AFG2A: variants seen among roughly 807,000 people sequenced by gnomAD.
AFG2A encodes the protein AAA ATPase AFG2A.
the AFG2A span, among the ~76,000 whole-genome samples, chr4:123,026,678 T>C: frequency 3.9e-5 from 6 of 152,214 alleles, no homozygotes; most frequent in African/African-American, 1.4e-4. Context: ...CCTTACGTGC[T>C]CTAAGAAATA....
chr4:123,184,721 A>G, the AFG2A span, among the ~76,000 whole-genome samples: 257 of 150,880 alleles, frequency 1.7e-3, 5 homozygotes, highest in Admixed American at 0.015. Context: ...TATTTTTAGT[A>G]GAGACGGGGT....
the AFG2A span, among the ~76,000 whole-genome samples, chr4:123,122,142 A>G: frequency 1.3e-5 from 2 of 152,122 alleles, no homozygotes; most frequent in African/African-American, 4.8e-5. Context: ...CTGTTTTGCT[A>G]TCTAGGATAA....
chr4:123,080,231 A>G, the AFG2A span, among the ~76,000 whole-genome samples: 3 of 152,230 alleles, frequency 2.0e-5, no homozygotes, highest in Non-Finnish European at 2.9e-5. Flanking sequence ...TGATGGGATT[A>G]GTGCCTTTAT....
chr4:123,298,739 G>C, the AFG2A span, among the ~76,000 whole-genome samples: 3 of 152,188 alleles, frequency 2.0e-5, no homozygotes, highest in Non-Finnish European at 2.9e-5. Flanking sequence ...CAAATCAAGA[G>C]TGTTCATTAA....
chr4:123,299,978 T>C, the AFG2A span, among the ~76,000 whole-genome samples: 3 of 152,192 alleles, frequency 2.0e-5, no homozygotes, highest in Non-Finnish European at 2.9e-5. Flanking sequence ...TTTCTACAAC[T>C]CTTTGCATAT....
chr4:123,215,808 G>T, the AFG2A span, among the ~76,000 whole-genome samples: 3 of 152,070 alleles, frequency 2.0e-5, no homozygotes, highest in African/African-American at 7.2e-5. Context: ...GTGACAAGAT[G>T]AAAAGGACAT....
At chr4:123,011,297 C>T in the AFG2A span, among the ~76,000 whole-genome samples, 1 of 152,226 alleles carries the variant, frequency 6.6e-6, no homozygotes, top group African/African-American at 2.4e-5. Flanking sequence ...CCAGTCTTGG[C>T]AGAGTAGGCT....
At chr4:123,005,524 G>T in the AFG2A span, among the ~76,000 whole-genome samples, 2 of 151,894 alleles carry the variant, frequency 1.3e-5, no homozygotes, top group African/African-American at 4.8e-5. Flanking sequence ...CTTTCCTTCT[G>T]TTTGCTTTAT....
chr4:123,007,568 ATGTGTGTGTGTGTGTGTGTG>A, the AFG2A span, among the ~76,000 whole-genome samples: 246 of 91,758 alleles, frequency 2.7e-3, 2 homozygotes, highest in South Asian at 7.3e-3. Context: ...GTGTGTGTAT[ATGTGTGTGTGTGTGTGTGTG>A]TGTGTGTGTG....
At chr4:123,289,420 G>A in the AFG2A span, among the ~76,000 whole-genome samples, 1 of 152,066 alleles carries the variant, frequency 6.6e-6, no homozygotes, top group Non-Finnish European at 1.5e-5. Flanking sequence ...TTGGTCGATG[G>A]GCACTTAGGT....
chr4:122,948,030 A>T, the AFG2A span, among the ~76,000 whole-genome samples: 31 of 152,248 alleles, frequency 2.0e-4, no homozygotes, highest in African/African-American at 7.2e-4. Context: ...TATAAAAAAT[A>T]TGGTTAATCA....
At chr4:123,269,032 T>C in the AFG2A span, among the ~76,000 whole-genome samples, 11,070 of 152,290 alleles carry the variant, frequency 0.073, 745 homozygotes, top group African/African-American at 0.18. Context: ...CAAAGTATTG[T>C]CTGAAGAAAC....
chr4:123,190,718 C>A, the AFG2A span, among the ~76,000 whole-genome samples: 37 of 152,128 alleles, frequency 2.4e-4, no homozygotes, highest in African/African-American at 8.7e-4. Flanking sequence ...ATTATGACTT[C>A]CATAGTGTAC....
At chr4:123,286,804 G>A in the AFG2A span, among the ~76,000 whole-genome samples, 2 of 151,712 alleles carry the variant, frequency 1.3e-5, no homozygotes, top group Admixed American at 6.6e-5. Flanking sequence ...GTGCTATTCC[G>A]ATCTGAACTT....
chr4:122,995,799 G>C, the AFG2A span, among the ~76,000 whole-genome samples: 1 of 152,270 alleles, frequency 6.6e-6, no homozygotes, highest in South Asian at 2.1e-4. Flanking sequence ...TTGTATATTT[G>C]ATCAGTGCTC....
the AFG2A span, among the ~76,000 whole-genome samples, chr4:123,236,927 C>T: frequency 6.6e-6 from 1 of 152,190 alleles, no homozygotes; most frequent in African/African-American, 2.4e-5. Context: ...ACTTTAACTG[C>T]ACATTAGAAT....
chr4:122,935,666 A>G, the AFG2A span: 4 of 1,488,182 alleles, frequency 2.7e-6, no homozygotes, highest in Middle Eastern at 1.8e-4. Context: ...CAACATTTAT[A>G]AGAAACCTAG....
At chr4:123,231,593 C>G in the AFG2A span, among the ~76,000 whole-genome samples, 94,213 of 151,400 alleles carry the variant, frequency 0.62, 30,060 homozygotes, top group Admixed American at 0.68. Flanking sequence ...CAATTCCCTT[C>G]AAGAGTTTTT....
chr4:123,222,770 G>T, the AFG2A span, among the ~76,000 whole-genome samples: 1 of 152,068 alleles, frequency 6.6e-6, no homozygotes, highest in African/African-American at 2.4e-5. Context: ...AGATACCTCA[G>T]TTAAGTAGAA....
Sources: gnomAD v4.1 joint callset for allele counts (sites outside exome capture counted in the v4.1 genomes callset) on GRCh38, gnomAD v4.1.1 for gene constraint, MANE v1.5 for transcripts, NCBI Gene and HGNC (gene_info 2026-07-23, HGNC 2026-07-21) for gene names.